The following MAGI3 variants were observed in gnomAD, a reference collection of about 807,000 sequenced individuals.
The protein encoded by MAGI3 is membrane-associated guanylate kinase, WW and PDZ domain-containing protein 3.
Under a neutral mutation model 121.8 loss-of-function variants are expected in MAGI3, and 43 were observed. The observed-to-expected ratio is 0.35, with a 90% confidence interval of 0.28 to 0.46. The LOEUF is 0.46. MAGI3 is among the 20% of genes least tolerant of loss of function. MAGI3 has a pLI of 1.00. For synonymous variants in MAGI3, 553 were observed against 639.3 expected, an observed-to-expected ratio of 0.86 and a Z score of 2.04; for missense variants, 1,547 against 1,797.3, an observed-to-expected ratio of 0.86 and a Z score of 2.52.
intron 1 of MAGI3, among the ~76,000 whole-genome samples, chr1:113,411,629 G>A (rs1651994464): frequency 6.6e-6 from 1 of 151,612 alleles, no homozygotes; most frequent in Non-Finnish European, 1.5e-5. Flanking sequence ...CATTTTGCTG[G>A]AAATTAAACA....
chr1:113,609,394 G>C (rs531131035), intron 6 of MAGI3, among the ~76,000 whole-genome samples: 2 of 152,288 alleles, frequency 1.3e-5, no homozygotes, highest in Non-Finnish European at 2.9e-5. Context: ...CTGATATTCT[G>C]AACACAGCTG....
chr1:113,466,300 A>G (rs552848307), intron 1 of MAGI3, among the ~76,000 whole-genome samples: 14 of 152,314 alleles, frequency 9.2e-5, no homozygotes, highest in East Asian at 3.9e-4. Flanking sequence ...ATTGATTTGC[A>G]TACATTGAAC....
intron 19 of MAGI3, among the ~76,000 whole-genome samples, chr1:113,675,529 GC>G (rs1230526419): frequency 4.6e-5 from 7 of 152,256 alleles, no homozygotes; most frequent in African/African-American, 1.7e-4. Context: ...TGTTTAGCAG[GC>G]AATTACTACT....
Position 113,391,111 on chromosome 1 carries a change from G to A in MAGI3, c.78G>A (p.Pro26=), listed in dbSNP as rs369307940. The A allele has an allele frequency of 7.3e-5, 115 of 1,578,730 alleles. No homozygotes were observed. In the African/African-American group the frequency reaches 1.2e-3, roughly 17 times the overall value. ...GCGCCGTGTCCTGGGCCGGGCCCCC[G>A]GGCGACTTCGGCGCGGAGATCCGCG... ...QECAVSWAGP[P]GDFGAEIRGG... The change falls in exon 1 of 21, where the codon CCG becomes CCA. Residue 26 remains proline (P), a synonymous_variant. Coordinates refer to ENST00000307546, the MANE Select transcript of MAGI3 (RefSeq NM_001142782.2). This position sits in a 1 kb window ranked among gnomAD's most constrained non-coding sequence, Gnocchi z 4.4.
intron 2 of MAGI3, among the ~76,000 whole-genome samples, chr1:113,557,166 T>C (rs1302473990): frequency 6.6e-6 from 1 of 152,112 alleles, no homozygotes; most frequent in East Asian, 1.9e-4. Context: ...CACAACATAG[T>C]GGCTTTGCCA....
At chr1:113,451,472 T>C (rs1286218379) in intron 1 of MAGI3, among the ~76,000 whole-genome samples, 1 of 152,232 alleles carries the variant, frequency 6.6e-6, no homozygotes, top group African/African-American at 2.4e-5. Context: ...TCCCTACATA[T>C]GCAGTTTTAT....
chr1:113,526,697 G>A (rs1307653398), intron 1 of MAGI3, among the ~76,000 whole-genome samples: 1 of 152,194 alleles, frequency 6.6e-6, no homozygotes, highest in Non-Finnish European at 1.5e-5. Flanking sequence ...AACAAAGCTG[G>A]TGGCAGGGAG....
At chr1:113,429,012 G>T (rs1157574944) in intron 1 of MAGI3, among the ~76,000 whole-genome samples, 2 of 152,184 alleles carry the variant, frequency 1.3e-5, no homozygotes, top group African/African-American at 4.8e-5. Flanking sequence ...ATATTGGACA[G>T]TGCAGCTCTA....
chr1:113,393,021 A>T (rs1231093383), intron 1 of MAGI3, among the ~76,000 whole-genome samples: 1 of 152,216 alleles, frequency 6.6e-6, no homozygotes, highest in Non-Finnish European at 1.5e-5. Context: ...TAGAAATTTT[A>T]AAGTTGATAT....
At chr1:113,435,638 C>G (rs910193986) in intron 1 of MAGI3, among the ~76,000 whole-genome samples, 19 of 152,056 alleles carry the variant, frequency 1.2e-4, no homozygotes, top group African/African-American at 4.3e-4. Flanking sequence ...TGTTTCAGTC[C>G]TTATCATATG....
chr1:113,476,989 G>A (rs1487787678), intron 1 of MAGI3, among the ~76,000 whole-genome samples: 1 of 151,420 alleles, frequency 6.6e-6, no homozygotes, highest in Non-Finnish European at 1.5e-5. Flanking sequence ...AGCCTTCTTT[G>A]TGTCTTTTGA....
chr1:113,550,099 G>C (rs1407410937), intron 2 of MAGI3, among the ~76,000 whole-genome samples: 2 of 144,080 alleles, frequency 1.4e-5, no homozygotes, highest in Non-Finnish European at 3.0e-5. Context: ...CTGGGTGACA[G>C]AGCGATACTC....
chr1:113,666,414 C>A (rs1356591382), intron 16 of MAGI3, among the ~76,000 whole-genome samples: 1 of 152,200 alleles, frequency 6.6e-6, no homozygotes, highest in Non-Finnish European at 1.5e-5. Flanking sequence ...AGCATCTTCA[C>A]CAGGAGTAGA....
rs796174057 is a variant in MAGI3, at chr1:113,623,453, TACACAC to T, written c.1360+489_1360+494del. Among the ~76,000 whole-genome samples, 392 of 126,116 alleles carry T rather than the reference TACACAC, an allele frequency of 3.1e-3. 4 individuals are homozygous for T. Among genetic ancestry groups the T allele is most frequent in the Non-Finnish European group, 4.7e-3 (289 of 62,010 alleles). 82.7% of individuals were successfully genotyped at this position (126,116 alleles called of 152,430 possible). ...TAATACACATATATATACACACACATACACACACACACACACACACACACACACACA... is the reference window on the plus strand; with the variant it reads ...TAATACACATATATATACACACACATACACACACACACACACACACACACA... On this transcript the variant is annotated intron_variant, in intron 9 of 20. Coordinates refer to ENST00000307546, the MANE Select transcript of MAGI3 (RefSeq NM_001142782.2).
chr1:113,483,862 AGC>A (rs1656227479), intron 1 of MAGI3, among the ~76,000 whole-genome samples: 1 of 152,068 alleles, frequency 6.6e-6, no homozygotes, highest in African/African-American at 2.4e-5. Context: ...TTGCTGCAAA[AGC>A]ACACTTGTAC....
chr1:113,673,580 T>C, intron 19 of MAGI3, 115 bp downstream of exon 19: 1 of 1,186,414 alleles, frequency 8.4e-7, no homozygotes, highest in Non-Finnish European at 1.2e-6. Flanking sequence ...AAAAGCAGGA[T>C]TTGTCATCAC....
chr1:113,659,275 C>T lies in MAGI3; in HGVS notation c.2815+10C>T, dbSNP rs765220145. On this transcript the variant is annotated intron_variant, in intron 16 of 20. Transcript: ENST00000307546. ...GTCATTGCTGAAGAAGGTAAGGAGC[C>T]AGTAGACGCGCCTGCCCCAAGCTGA... 1 of 1,612,026 alleles carries T rather than the reference C, an allele frequency of 6.2e-7. No individual in the cohort carries two copies.
intron 2 of MAGI3, among the ~76,000 whole-genome samples, chr1:113,575,216 A>C (rs2101710326): frequency 6.6e-6 from 1 of 152,168 alleles, no homozygotes; most frequent in South Asian, 2.1e-4. Context: ...TTCTCTGTCC[A>C]GTTTTGTGCC....
rs1277358551 is a variant in MAGI3, at chr1:113,390,934, G to C, written c.-100G>C. 5.9e-6 allele frequency: 6 copies of C among 1,019,382 alleles called. No individual in the cohort carries two copies. Among genetic ancestry groups the C allele is most frequent in the African/African-American group, 1.7e-5 (1 of 58,432 alleles). The allele number at this position is 1,019,382 out of a possible 1,614,324, so 63.1% of individuals were successfully genotyped here. A position where few individuals can be genotyped will look rare whatever the true frequency, so the allele number is the denominator to read the frequency against. On this transcript the variant is annotated 5_prime_UTR_variant, in exon 1 of 21. Coordinates refer to ENST00000307546, the MANE Select transcript of MAGI3 (RefSeq NM_001142782.2). The stretch of plus-strand genomic sequence containing the variant: ...CCGGAGCGGCGAGGCCCCCCTTACC[G>C]GGCTGCGCGGGCCGCCCAGGGCCCC...
Sources: gnomAD v4.1 joint callset for allele counts (sites outside exome capture counted in the v4.1 genomes callset) on GRCh38, gnomAD v4.1.1 for gene constraint, Gnocchi (gnomAD v3.1) non-coding constraint, MANE v1.5 for transcripts, NCBI Gene and HGNC (gene_info 2026-07-23, HGNC 2026-07-21) for gene names.